ELAPOR1: variants seen among roughly 807,000 people sequenced by gnomAD.
The protein encoded by ELAPOR1 is endosome-lysosome associated apoptosis and autophagy regulator 1.
In ELAPOR1, 77 loss-of-function variants were observed where a neutral mutation model predicts 119.7. The observed-to-expected ratio is 0.64, with a 90% CI of 0.54 to 0.78. The LOEUF (loss-of-function observed/expected upper bound fraction) is 0.78. Ranked by LOEUF, ELAPOR1 falls within the 30% of genes least tolerant of loss-of-function variation. The probability of loss-of-function intolerance (pLI) is 0.00; values close to 1 mark genes in which losing one functional copy is unlikely to be tolerated. For missense variants in ELAPOR1, 1,115 were observed against 1,270.4 expected, an observed-to-expected ratio of 0.88 and a Z score of 1.86; for synonymous variants, 481 against 487.2, an observed-to-expected ratio of 0.99 and a Z score of 0.17.
intron 18 of ELAPOR1, 117 bp from the exon 19 acceptor site, chr1:109,199,737 T>A: frequency 1.7e-6 from 2 of 1,204,052 alleles, no homozygotes; most frequent in South Asian, 2.8e-5. Flanking sequence ...CTGGTAGGGC[T>A]AATGGTTTGG....
intron 3 of ELAPOR1, among the ~76,000 whole-genome samples, chr1:109,169,539 A>T (rs540385176): frequency 5.9e-4 from 89 of 151,978 alleles, no homozygotes; most frequent in African/African-American, 2.0e-3. Flanking sequence ...ATGAGCCACC[A>T]CGCCCACCCA....
intron 7 of ELAPOR1, among the ~76,000 whole-genome samples, chr1:109,177,243 C>A (rs1197409143): frequency 6.8e-6 from 1 of 146,334 alleles, no homozygotes; most frequent in African/African-American, 2.6e-5. Flanking sequence ...GGCTGACCCC[C>A]CCACCTCCCT....
chr1:109,169,063 C>A (rs1394562913), intron 3 of ELAPOR1, among the ~76,000 whole-genome samples: 1 of 152,078 alleles, frequency 6.6e-6, no homozygotes, highest in Non-Finnish European at 1.5e-5. Flanking sequence ...TAAAGGTTAT[C>A]CCTTTCAACA....
chr1:109,153,550 A>T (rs1321375327), intron 1 of ELAPOR1, among the ~76,000 whole-genome samples: 1 of 152,252 alleles, frequency 6.6e-6, no homozygotes, highest in East Asian at 1.9e-4. Context: ...GTATAGAATC[A>T]GAATCTGGAA....
chr1:109,176,901 T>C (rs1044981060), intron 7 of ELAPOR1, among the ~76,000 whole-genome samples: 7 of 146,020 alleles, frequency 4.8e-5, no homozygotes, highest in African/African-American at 1.8e-4. Flanking sequence ...AGCACATGTT[T>C]CAGAGAGCAC....
chr1:109,190,272 CG>C (rs1653349375), intron 11 of ELAPOR1, among the ~76,000 whole-genome samples: 1 of 152,200 alleles, frequency 6.6e-6, no homozygotes, highest in African/African-American at 2.4e-5. Flanking sequence ...GTTCAGGCTT[CG>C]GGCCCCTCAT....
intron 5 of ELAPOR1, among the ~76,000 whole-genome samples, chr1:109,172,953 C>T (rs1652008950): frequency 6.6e-6 from 1 of 152,034 alleles, no homozygotes. Flanking sequence ...AAAAATTAGC[C>T]AGGTATGGTG....
chr1:109,120,754 G>A (rs1018081112), intron 1 of ELAPOR1, among the ~76,000 whole-genome samples: 1 of 152,046 alleles, frequency 6.6e-6, no homozygotes, highest in Non-Finnish European at 1.5e-5. Context: ...GACTTTTACA[G>A]CTTTCTTCAG....
chr1:109,149,801 C>T (rs1650417178), intron 1 of ELAPOR1, among the ~76,000 whole-genome samples: 1 of 152,280 alleles, frequency 6.6e-6, no homozygotes, highest in East Asian at 1.9e-4. Context: ...GAAAAAAATT[C>T]AAAGTCATCC....
intron 18 of ELAPOR1, among the ~76,000 whole-genome samples, chr1:109,199,290 G>A (rs375834573): frequency 6.6e-5 from 10 of 152,180 alleles, no homozygotes; most frequent in African/African-American, 2.2e-4. Flanking sequence ...GGGCACTAGC[G>A]TCTTGAGGAA....
At chr1:109,182,562 C>T (rs1000960234) in intron 7 of ELAPOR1, among the ~76,000 whole-genome samples, 8 of 151,820 alleles carry the variant, frequency 5.3e-5, no homozygotes, top group African/African-American at 1.9e-4. Flanking sequence ...AACCCATATC[C>T]GTCTAGCTTA....
At chr1:109,197,762 A>T in intron 16 of ELAPOR1, 108 bp downstream of exon 16, 3 of 1,233,442 alleles carry the variant, frequency 2.4e-6, no homozygotes, top group Non-Finnish European at 1.1e-6. Flanking sequence ...AAAAGGCCCC[A>T]CATGAGGGGC....
intron 14 of ELAPOR1, 133 bp downstream of exon 14, chr1:109,193,007 C>T: frequency 1.0e-6 from 1 of 974,344 alleles, no homozygotes; most frequent in Non-Finnish European, 1.5e-6. Context: ...AGGTTGGAGT[C>T]CTGGAGGACA....
chr1:109,130,026 G>A (rs1649051621), intron 1 of ELAPOR1, among the ~76,000 whole-genome samples: 1 of 152,088 alleles, frequency 6.6e-6, no homozygotes, highest in Non-Finnish European at 1.5e-5. Context: ...GCAATCCTTG[G>A]CCTTTCTTGG....
chr1:109,127,622 C>T (rs543955003), intron 1 of ELAPOR1, among the ~76,000 whole-genome samples: 15 of 151,856 alleles, frequency 9.9e-5, no homozygotes, highest in Non-Finnish European at 1.9e-4. Flanking sequence ...GCTGGAGTGC[C>T]GTGGCGTGAT....
rs1327160381 is a variant in ELAPOR1, at chr1:109,177,306, G to A, written c.952+3469G>A. On this transcript the variant is annotated intron_variant, in intron 7 of 21. Transcript: ENST00000369939. ...ACGCTCCTCACTTCCCAGACGGGGT[G>A]GCTGCTGGGCGGAGGGGCTCCTCAC... 3.5e-3 allele frequency among the ~76,000 whole-genome samples: 450 copies of A among 127,248 alleles called. 6 individuals carry two copies. The highest frequency in any genetic ancestry group is 0.012 in the African/African-American group (355 of 29,102). 83.5% of individuals were successfully genotyped at this position (127,248 alleles called of 152,430 possible). A position where few individuals can be genotyped will look rare whatever the true frequency, so the allele number is the denominator to read the frequency against.
At chr1:109,186,677 G>A (rs1489877574) in intron 8 of ELAPOR1, 1 of 985,260 alleles carries the variant, frequency 1.0e-6, no homozygotes, top group Non-Finnish European at 1.2e-6. Flanking sequence ...CATTTTCTTG[G>A]TCTCAGCCAA....
intron 1 of ELAPOR1, among the ~76,000 whole-genome samples, chr1:109,150,631 G>A (rs911898367): frequency 2.0e-5 from 3 of 152,144 alleles, no homozygotes; most frequent in Non-Finnish European, 4.4e-5. Context: ...CAAGACTCTG[G>A]CATCCTAACA....
rs780327293 is a variant in ELAPOR1, at chr1:109,114,153, G to A, written c.-31G>A. On this transcript the variant is annotated 5_prime_UTR_variant, in exon 1 of 22. Transcript: ENST00000369939. ...CAGAAGCAGCAGCCGCAGCACCTGA[G>A]CCGCTACTGCCGCTCACTCAGGACA... is the stretch of plus-strand genomic sequence containing the variant. 10 of 1,512,280 alleles carry A rather than the reference G, an allele frequency of 6.6e-6. No homozygotes were observed. Among genetic ancestry groups the A allele is most frequent in the Non-Finnish European group, 8.9e-6 (10 of 1,126,490 alleles). 93.7% of individuals were successfully genotyped at this position (1,512,280 alleles called of 1,614,324 possible).
Sources: allele counts gnomAD v4.1 joint callset (sites outside exome capture counted in the v4.1 genomes callset), GRCh38; gene constraint gnomAD v4.1.1; transcripts MANE v1.5; gene names NCBI Gene and HGNC (gene_info 2026-07-23, HGNC 2026-07-21).